Variants in HERPUD2 observed in about 807,000 individuals in gnomAD.
HERPUD2 encodes HERPUD family member 2, also known as homocysteine-responsive endoplasmic reticulum-resident ubiquitin-like domain member 2 protein.
In HERPUD2, 13 loss-of-function variants were observed where a neutral mutation model predicts 49.9. That is an observed-to-expected ratio of 0.26 (90% CI 0.17 to 0.41). The LOEUF (loss-of-function observed/expected upper bound fraction) is 0.41. HERPUD2 is among the 10% of genes least tolerant of loss of function. The pLI is 1.00. For synonymous variants in HERPUD2, 172 were observed against 171.4 expected (o/e 1.00, Z -0.03); for missense variants, 449 against 492.2 (o/e 0.91, Z 0.83).
intron 5 of HERPUD2, among the ~76,000 whole-genome samples, chr7:35,654,244 A>G (rs1344482396): frequency 6.6e-6 from 1 of 152,070 alleles, no homozygotes; most frequent in Non-Finnish European, 1.5e-5. Context: ...AAAACACAAT[A>G]CAAAAGATCA....
intron 5 of HERPUD2, among the ~76,000 whole-genome samples, chr7:35,657,405 T>C (rs1282532663): frequency 2.0e-5 from 3 of 151,906 alleles, no homozygotes; most frequent in Non-Finnish European, 2.9e-5. Flanking sequence ...TTATACACTG[T>C]TGGTAGGAAT....
intron 3 of HERPUD2, among the ~76,000 whole-genome samples, 165 bp downstream of exon 3, chr7:35,673,036 A>G (rs560631585): frequency 6.6e-6 from 1 of 152,298 alleles, no homozygotes; most frequent in African/African-American, 2.4e-5. Context: ...ACCTAAACTA[A>G]TAAGAAACTA....
At chr7:35,657,438 G>A (rs1009424671) in intron 5 of HERPUD2, among the ~76,000 whole-genome samples, 4 of 151,956 alleles carry the variant, frequency 2.6e-5, no homozygotes, top group African/African-American at 9.7e-5. Context: ...AGCCACTATG[G>A]AAAACAATAT....
intron 5 of HERPUD2, among the ~76,000 whole-genome samples, chr7:35,643,065 T>C (rs1327382103): frequency 1.3e-5 from 2 of 152,202 alleles, no homozygotes; most frequent in African/African-American, 2.4e-5. Flanking sequence ...ATCTCTGCCC[T>C]TTAATAAAAC....
At chr7:35,647,353 T>C (rs1785074553) in intron 5 of HERPUD2, among the ~76,000 whole-genome samples, 1 of 152,138 alleles carries the variant, frequency 6.6e-6, no homozygotes, top group Non-Finnish European at 1.5e-5. Context: ...TCCCTCAGCA[T>C]TTTTTTCGAG....
chr7:35,685,320 T>G (rs1483949328), intron 2 of HERPUD2, among the ~76,000 whole-genome samples: 1 of 119,098 alleles, frequency 8.4e-6, no homozygotes, highest in Admixed American at 8.8e-5. Context: ...CTTGGAATTT[T>G]TTTTGTTTTT....
At chr7:35,682,357 GTATATATA>G (rs3052526) in intron 2 of HERPUD2, among the ~76,000 whole-genome samples, 265 of 25,820 alleles carry the variant, frequency 0.01, 33 homozygotes, top group Middle Eastern at 0.036. Context: ...GTGTGTGTGT[GTATATATA>G]TATATATATA....
chr7:35,670,255 T>C lies in HERPUD2; in HGVS notation c.299A>G (p.Asn100Ser), dbSNP rs1405317381. 5 of 1,588,272 alleles carry C rather than the reference T, an allele frequency of 3.1e-6. No homozygotes were observed. The highest frequency in any genetic ancestry group is 3.4e-6 in the Non-Finnish European group (4 of 1,164,622). ...TPPSSPKSST[N>S]RESHEALASS... ...TGCCAATGCTTCATGACTTTCTCTA[T>C]TGGTGCTGGATTTTGGAGAACTGGG... is the stretch of plus-strand genomic sequence containing the variant. The change falls in exon 4 of 9, where the codon AAT becomes AGT. Residue 100 changes from asparagine (N) to serine (S), a missense_variant. Asn to Ser is a conservative substitution (Grantham distance 46). Transcript: ENST00000311350.
At chr7:35,665,057 C>T (rs555642489) in intron 5 of HERPUD2, among the ~76,000 whole-genome samples, 22 of 152,274 alleles carry the variant, frequency 1.4e-4, no homozygotes, top group Admixed American at 3.3e-4. Context: ...TTAGGCTACT[C>T]GGGGGTCAGG....
intron 3 of HERPUD2, 30 bp from the exon 4 acceptor site, chr7:35,670,358 G>A (rs1785619471): frequency 2.8e-6 from 3 of 1,068,832 alleles, no homozygotes; most frequent in African/African-American, 1.6e-5. Flanking sequence ...CATTTAAAGG[G>A]TAGTACTACA....
intron 2 of HERPUD2, among the ~76,000 whole-genome samples, chr7:35,685,266 CATT>C (rs1786011943): frequency 6.7e-6 from 1 of 149,170 alleles, no homozygotes; most frequent in Non-Finnish European, 1.5e-5. Context: ...AAAACAGAAA[CATT>C]ATTAATTTTT....
intron 2 of HERPUD2, among the ~76,000 whole-genome samples, chr7:35,686,821 G>T (rs1562688698): frequency 0.012 from 108 of 9,364 alleles, 1 homozygote; most frequent in Non-Finnish European, 0.02. Flanking sequence ...GGGGGGGGGG[G>T]TGGGGGGGTG....
chr7:35,661,483 A>G (rs1031472890), intron 5 of HERPUD2, among the ~76,000 whole-genome samples: 1 of 152,050 alleles, frequency 6.6e-6, no homozygotes, highest in African/African-American at 2.4e-5. Flanking sequence ...CATTTTCACG[A>G]TATTGATTCT....
intron 5 of HERPUD2, among the ~76,000 whole-genome samples, chr7:35,661,769 T>C (rs1399069591): frequency 6.6e-6 from 1 of 152,212 alleles, no homozygotes; most frequent in Non-Finnish European, 1.5e-5. Context: ...TTAAGGAGAT[T>C]TTGGGCTGAG....
At chr7:35,686,568 A>C (rs1786050952) in intron 2 of HERPUD2, among the ~76,000 whole-genome samples, 1 of 143,408 alleles carries the variant, frequency 7.0e-6, no homozygotes, top group Non-Finnish European at 1.5e-5. Context: ...AAATACAAAA[A>C]ATTAGCCGGG....
chr7:35,647,359 T>C (rs1785074764), intron 5 of HERPUD2, among the ~76,000 whole-genome samples: 1 of 152,192 alleles, frequency 6.6e-6, no homozygotes, highest in Non-Finnish European at 1.5e-5. Context: ...AGCATTTTTT[T>C]CGAGGCCATG....
intron 5 of HERPUD2, among the ~76,000 whole-genome samples, chr7:35,643,151 T>C (rs1784993900): frequency 6.6e-6 from 1 of 152,230 alleles, no homozygotes; most frequent in African/African-American, 2.4e-5. Context: ...CAATAGCTCA[T>C]TAATTTTTTT....
intron 6 of HERPUD2, among the ~76,000 whole-genome samples, 156 bp from the exon 7 acceptor site, chr7:35,635,614 A>G (rs559946838): frequency 1.1e-4 from 17 of 152,302 alleles, no homozygotes; most frequent in Admixed American, 9.8e-4. Flanking sequence ...ACAAATTCCA[A>G]TGGAAAAGTG....
chr7:35,635,032 T>G (rs555094002), intron 7 of HERPUD2, 103 bp downstream of exon 7: 1 of 791,116 alleles, frequency 1.3e-6, no homozygotes, highest in South Asian at 1.9e-5. Context: ...AGCCCAGCAT[T>G]CATATTCCTT....
Sources: gnomAD v4.1 joint callset for allele counts (sites outside exome capture counted in the v4.1 genomes callset) on GRCh38, gnomAD v4.1.1 for gene constraint, MANE v1.5 for transcripts, NCBI Gene and HGNC (gene_info 2026-07-23, HGNC 2026-07-21) for gene names.